Variants in PIP5K1B observed in about 807,000 individuals in gnomAD.
PIP5K1B encodes phosphatidylinositol-4-phosphate 5-kinase type 1 beta, also known as phosphatidylinositol 4-phosphate 5-kinase type-1 beta.
PIP5K1B carries 42 observed loss-of-function variants against 67.0 expected under a neutral mutation model. The ratio of observed to expected loss-of-function variants is 0.63; its 90% CI spans 0.49 to 0.81. The LOEUF is 0.81. Ranked by LOEUF, PIP5K1B falls within the 30% of genes least tolerant of loss-of-function variation. The pLI is 0.00. For missense variants in PIP5K1B, 459 were observed against 646.3 expected (o/e 0.71, Z 3.14); for synonymous variants, 214 against 231.4 (o/e 0.92, Z 0.68).
At chr9:68,922,038 G>A (rs569252868) in intron 11 of PIP5K1B, among the ~76,000 whole-genome samples, 2 of 152,258 alleles carry the variant, frequency 1.3e-5, no homozygotes, top group East Asian at 3.9e-4. Context: ...ATAGGCAACG[G>A]CTGAACTTTA....
At chr9:68,980,105 T>C (rs1467388566) in intron 14 of PIP5K1B, among the ~76,000 whole-genome samples, 1 of 152,218 alleles carries the variant, frequency 6.6e-6, no homozygotes, top group Admixed American at 6.5e-5. Context: ...GAGCATGAGA[T>C]GTGCCACACG....
At chr9:68,915,687 C>A (rs1826059672) in intron 8 of PIP5K1B, among the ~76,000 whole-genome samples, 1 of 152,188 alleles carries the variant, frequency 6.6e-6, no homozygotes, top group Admixed American at 6.5e-5. Flanking sequence ...TCAAGCCATT[C>A]TTAGATCACT....
At chr9:68,744,746 C>G (rs553956144) in intron 2 of PIP5K1B, among the ~76,000 whole-genome samples, 1 of 152,102 alleles carries the variant, frequency 6.6e-6, no homozygotes, top group South Asian at 2.1e-4. Context: ...TCTTGTGGGG[C>G]CCTTTTGTGG....
chr9:68,857,985 T>TGTTGTTGTTGTTGTA (rs1468647998), intron 4 of PIP5K1B, among the ~76,000 whole-genome samples: 1 of 151,646 alleles, frequency 6.6e-6, no homozygotes, highest in Non-Finnish European at 1.5e-5. Flanking sequence ...TTGTTGTTGT[T>TGTTGTTGTTGTTGTA]GTTGTTAAGA....
At chr9:68,889,338 C>A (rs986369889) in intron 7 of PIP5K1B, among the ~76,000 whole-genome samples, 4 of 152,072 alleles carry the variant, frequency 2.6e-5, no homozygotes, top group African/African-American at 9.7e-5. Context: ...CTTGTTGAAT[C>A]CCACAATCCT....
At chr9:68,829,791 A>G (rs576472827) in intron 4 of PIP5K1B, among the ~76,000 whole-genome samples, 1 of 152,362 alleles carries the variant, frequency 6.6e-6, no homozygotes, top group East Asian at 1.9e-4. Context: ...TGCTGTGAGG[A>G]TCAAACAGTT....
rs1323469660 is a variant in PIP5K1B at position 68,932,632 on chromosome 9, A to G, written c.1202-2258A>G. On this transcript the variant is annotated intron_variant, in intron 12 of 15. Transcript: ENST00000265382. ...CTGCTTCTGAATTCAATATGTGGTGACATCACAGGTCATGTAACATCTAGA... is the reference window on the plus strand; with the variant it reads ...CTGCTTCTGAATTCAATATGTGGTGGCATCACAGGTCATGTAACATCTAGA... Among the ~76,000 whole-genome samples, 6 of 152,206 alleles carry G rather than the reference A, an allele frequency of 3.9e-5. No homozygotes were observed. The East Asian group carries it at 9.6e-4, about 24-fold the overall frequency.
intron 2 of PIP5K1B, chr9:68,780,080 G>A (rs1831157312): frequency 7.0e-7 from 1 of 1,421,194 alleles, no homozygotes; most frequent in Non-Finnish European, 9.2e-7. Flanking sequence ...CTCGGTGGCG[G>A]CGGCAGCGGC....
chr9:68,891,217 T>C (rs1441172483), intron 7 of PIP5K1B, among the ~76,000 whole-genome samples: 3 of 152,214 alleles, frequency 2.0e-5, no homozygotes, highest in African/African-American at 4.8e-5. Flanking sequence ...GCCACTGTAC[T>C]CCAGCCTGGG....
intron 1 of PIP5K1B, among the ~76,000 whole-genome samples, chr9:68,736,999 A>G (rs1828770761): frequency 1.3e-5 from 2 of 152,184 alleles, no homozygotes; most frequent in South Asian, 2.1e-4. Context: ...TGATATTCCT[A>G]TACTTCCTAT....
chr9:68,966,777 C>T (rs1829055914), intron 14 of PIP5K1B: 1 of 152,148 alleles, frequency 6.6e-6, no homozygotes, highest in African/African-American at 2.4e-5. Flanking sequence ...TTCAAAATGA[C>T]ATTACAGAAA....
intron 14 of PIP5K1B, among the ~76,000 whole-genome samples, chr9:68,957,311 A>G (rs1266407933): frequency 3.9e-5 from 6 of 152,074 alleles, no homozygotes; most frequent in Non-Finnish European, 8.8e-5. Context: ...TTGTGCCCCC[A>G]GCAGCATCCT....
intron 1 of PIP5K1B, among the ~76,000 whole-genome samples, chr9:68,727,884 T>C (rs917588314): frequency 3.3e-5 from 5 of 152,220 alleles, no homozygotes; most frequent in Non-Finnish European, 1.5e-5. Flanking sequence ...GCTTGTTCTC[T>C]GAGGCCATCC....
intron 2 of PIP5K1B, among the ~76,000 whole-genome samples, chr9:68,760,802 T>C (rs1179263959): frequency 6.6e-6 from 1 of 152,106 alleles, no homozygotes; most frequent in Non-Finnish European, 1.5e-5. Context: ...AATGAGCATA[T>C]GCCAAAGTCT....
At chr9:68,993,980 A>AT (rs199968580) in intron 15 of PIP5K1B, among the ~76,000 whole-genome samples, 2,402 of 151,786 alleles carry the variant, frequency 0.016, 71 homozygotes, top group African/African-American at 0.054. Flanking sequence ...AAAGGAAGGA[A>AT]TGAGGGGGTT....
At chr9:68,722,198 T>C (rs1345651311) in intron 1 of PIP5K1B, among the ~76,000 whole-genome samples, 1 of 152,132 alleles carries the variant, frequency 6.6e-6, no homozygotes, top group Non-Finnish European at 1.5e-5. Context: ...TAACAGCTCT[T>C]TCTTTATTTT....
intron 14 of PIP5K1B, among the ~76,000 whole-genome samples, chr9:68,973,610 G>C (rs927375255): frequency 6.6e-6 from 1 of 152,168 alleles, no homozygotes; most frequent in Non-Finnish European, 1.5e-5. Context: ...AAATTATGGG[G>C]AGCGTATTTG....
chr9:68,761,305 A>G (rs1587402809), intron 2 of PIP5K1B, among the ~76,000 whole-genome samples: 1 of 152,132 alleles, frequency 6.6e-6, no homozygotes, highest in African/African-American at 2.4e-5. Flanking sequence ...GTATTATGGT[A>G]GAGAAGGCAA....
chr9:68,899,482 G>A (rs117358107), intron 8 of PIP5K1B, among the ~76,000 whole-genome samples: 1,715 of 152,192 alleles, frequency 0.011, 13 homozygotes, highest in Middle Eastern at 0.031. Context: ...GAGAAAGAAA[G>A]GTTTAGGTAA....
Sources: gnomAD v4.1 joint callset for allele counts (sites outside exome capture counted in the v4.1 genomes callset) on GRCh38, gnomAD v4.1.1 for gene constraint, MANE v1.5 for transcripts, NCBI Gene and HGNC (gene_info 2026-07-23, HGNC 2026-07-21) for gene names.